The following MSRA variants were observed in gnomAD, a reference collection of about 807,000 sequenced individuals.
The protein encoded by MSRA is mitochondrial peptide methionine sulfoxide reductase.
A neutral mutation model predicts 31.3 loss-of-function variants in MSRA; 54 were observed. That is an observed-to-expected ratio of 1.73 (90% confidence interval 1.39 to 2.17). MSRA has a LOEUF of 2.17. MSRA is among the 30% of genes most tolerant of loss of function. MSRA has a pLI of 0.00. For missense variants in MSRA, 507 were observed against 300.9 expected, an observed-to-expected ratio of 1.69 and a Z score of -5.07; for synonymous variants, 169 against 116.5, an observed-to-expected ratio of 1.45 and a Z score of -2.90.
At chr8:10,288,215 A>T (rs1248331087) in intron 3 of MSRA, among the ~76,000 whole-genome samples, 1 of 152,170 alleles carries the variant, frequency 6.6e-6, no homozygotes, top group Non-Finnish European at 1.5e-5. Context: ...GCCTTTTTAG[A>T]CATTTCTCTC....
At chr8:10,401,120 A>G (rs948831995) in intron 5 of MSRA, among the ~76,000 whole-genome samples, 3 of 151,592 alleles carry the variant, frequency 2.0e-5, no homozygotes, top group Admixed American at 6.6e-5. Flanking sequence ...AAAACAACCC[A>G]CAGAGTCACA....
At chr8:10,205,216 G>T (rs765261446) in intron 1 of MSRA, among the ~76,000 whole-genome samples, 1 of 152,180 alleles carries the variant, frequency 6.6e-6, no homozygotes, top group Non-Finnish European at 1.5e-5. Flanking sequence ...TTGGACAAGG[G>T]ATATACAAGA....
intron 5 of MSRA, among the ~76,000 whole-genome samples, chr8:10,364,754 T>C (rs867718532): frequency 9.2e-5 from 14 of 152,182 alleles, no homozygotes; most frequent in Admixed American, 7.9e-4. Context: ...GTGCCAGATA[T>C]CACGTGTACT....
At chr8:10,204,338 C>T (rs1444637173) in intron 1 of MSRA, among the ~76,000 whole-genome samples, 1 of 152,204 alleles carries the variant, frequency 6.6e-6, no homozygotes, top group Non-Finnish European at 1.5e-5. Flanking sequence ...CCTTCACACC[C>T]ACTCACCACT....
At chr8:10,226,650 G>C (rs182790915) in intron 2 of MSRA, among the ~76,000 whole-genome samples, 114 of 152,328 alleles carry the variant, frequency 7.5e-4, no homozygotes, top group Non-Finnish European at 1.2e-3. Flanking sequence ...AATTACTAAA[G>C]GATGCCTCTT....
chr8:10,190,578 C>A (rs1807425264), intron 1 of MSRA, among the ~76,000 whole-genome samples: 1 of 152,236 alleles, frequency 6.6e-6, no homozygotes, highest in Non-Finnish European at 1.5e-5. Flanking sequence ...TGAGTCCTTT[C>A]ATGTCTGTCT....
intron 3 of MSRA, among the ~76,000 whole-genome samples, chr8:10,271,550 T>G (rs1799039471): frequency 6.6e-6 from 1 of 152,288 alleles, no homozygotes; most frequent in South Asian, 2.1e-4. Context: ...CTATGCATCT[T>G]ATATGCAAGA....
chr8:10,158,906 G>C (rs968365609), intron 1 of MSRA, among the ~76,000 whole-genome samples: 10 of 152,260 alleles, frequency 6.6e-5, no homozygotes, highest in Admixed American at 6.5e-4. Context: ...CTGTGTTTTT[G>C]ATTATAGCCA....
chr8:10,277,647 AGCCT>A (rs1275307706), intron 3 of MSRA, among the ~76,000 whole-genome samples: 1 of 152,194 alleles, frequency 6.6e-6, no homozygotes, highest in Non-Finnish European at 1.5e-5. Context: ...GAAGTCAAAG[AGCCT>A]CAAATAACCC....
chr8:10,107,944 T>G (rs993554869), intron 1 of MSRA, among the ~76,000 whole-genome samples: 2 of 152,192 alleles, frequency 1.3e-5, no homozygotes, highest in Non-Finnish European at 2.9e-5. Context: ...TAATGACCTT[T>G]GCTGTCAGGA....
At chr8:10,057,605 C>T (rs1802454300) in intron 1 of MSRA, among the ~76,000 whole-genome samples, 1 of 152,120 alleles carries the variant, frequency 6.6e-6, no homozygotes, top group Non-Finnish European at 1.5e-5. Context: ...GAGGAGGGGC[C>T]TGGTGAGAGG....
At chr8:10,244,321 G>C (rs1475043380) in intron 2 of MSRA, among the ~76,000 whole-genome samples, 1 of 152,176 alleles carries the variant, frequency 6.6e-6, no homozygotes. Flanking sequence ...GGAAGTGCAT[G>C]GCAACATTTG....
intron 1 of MSRA, among the ~76,000 whole-genome samples, chr8:10,075,273 T>C (rs1410260830): frequency 3.3e-5 from 5 of 152,224 alleles, no homozygotes; most frequent in African/African-American, 7.2e-5. Flanking sequence ...ATTGAGCTTA[T>C]ATTCTGTAGT....
At chr8:10,400,790 A>G (rs1199998436) in intron 5 of MSRA, among the ~76,000 whole-genome samples, 1 of 152,240 alleles carries the variant, frequency 6.6e-6, no homozygotes, top group African/African-American at 2.4e-5. Context: ...TGGTGCTGGG[A>G]CAACTGGATC....
chr8:10,361,993 G>A, intron 5 of MSRA, among the ~76,000 whole-genome samples: 1 of 151,858 alleles, frequency 6.6e-6, no homozygotes, highest in East Asian at 1.9e-4. Flanking sequence ...CCTCTCTCTT[G>A]TCGTTGTTTC....
intron 2 of MSRA, among the ~76,000 whole-genome samples, chr8:10,221,523 G>A (rs1334543108): frequency 9.2e-5 from 14 of 151,960 alleles, no homozygotes; most frequent in African/African-American, 3.4e-4. Context: ...CCCAGGGTCA[G>A]GCTACTAGTT....
chr8:10,293,597 T>TA (rs1800366652), intron 3 of MSRA, among the ~76,000 whole-genome samples: 1 of 152,226 alleles, frequency 6.6e-6, no homozygotes, highest in Non-Finnish European at 1.5e-5. Flanking sequence ...TGGTGACTGT[T>TA]ACTAGGGAAT....
At chr8:10,141,429 T>A (rs749989668) in intron 1 of MSRA, among the ~76,000 whole-genome samples, 2 of 152,182 alleles carry the variant, frequency 1.3e-5, no homozygotes, top group Non-Finnish European at 2.9e-5. Context: ...CGCACTCCAA[T>A]GCACAAGACA....
intron 5 of MSRA, among the ~76,000 whole-genome samples, chr8:10,384,508 C>G (rs1806266413): frequency 6.6e-6 from 1 of 152,214 alleles, no homozygotes; most frequent in Non-Finnish European, 1.5e-5. Context: ...CACAGGTTCT[C>G]AACTCTGGCT....
Sources: allele counts gnomAD v4.1 joint callset (sites outside exome capture counted in the v4.1 genomes callset), GRCh38; gene constraint gnomAD v4.1.1; transcripts MANE v1.5; gene names NCBI Gene and HGNC (gene_info 2026-07-23, HGNC 2026-07-21).